IHO1: variants seen among roughly 807,000 people sequenced by gnomAD.
IHO1 encodes the protein interactor of HORMAD1 1, also known as interactor of HORMAD1 protein 1.
In IHO1, 13 loss-of-function variants were observed where a neutral mutation model predicts 31.0. The observed-to-expected ratio is 0.42, with a 90% CI of 0.27 to 0.67. The LOEUF (loss-of-function observed/expected upper bound fraction) is 0.67, where lower values mean the gene tolerates loss of function less well. IHO1 is among the 30% of genes least tolerant of loss of function. IHO1 has a pLI of 0.24. For missense variants in IHO1, 599 were observed against 687.5 expected (o/e 0.87, Z 1.44); for synonymous variants, 221 against 248.4 (o/e 0.89, Z 1.04).
At chr3:49,201,184 G>A (rs1338307021) in intron 1 of IHO1, among the ~76,000 whole-genome samples, 2 of 151,888 alleles carry the variant, frequency 1.3e-5, no homozygotes, top group Non-Finnish European at 2.9e-5. Flanking sequence ...TAGTAGAAAC[G>A]GGGTTTCACC....
chr3:49,238,280 AGTTTTGTTTTGTTTT>A (rs370628737), intron 3 of IHO1, among the ~76,000 whole-genome samples: 7 of 151,968 alleles, frequency 4.6e-5, no homozygotes, highest in Admixed American at 2.6e-4. Context: ...AACTAAATGT[AGTTTTGTTTTGTTTT>A]GTTTTGTTTT....
intron 3 of IHO1, among the ~76,000 whole-genome samples, chr3:49,237,948 C>T (rs1480053689): frequency 1.6e-5 from 2 of 124,478 alleles, no homozygotes; most frequent in Non-Finnish European, 3.2e-5. Context: ...TCACCTGGGC[C>T]GAGGTCCAGT....
At chr3:49,203,038 A>AT (rs1270453476) in intron 1 of IHO1, among the ~76,000 whole-genome samples, 11 of 149,716 alleles carry the variant, frequency 7.3e-5, no homozygotes, top group Admixed American at 2.0e-4. Context: ...AATTTTTTGT[A>AT]TTTTTTTTAG....
chr3:49,202,816 C>G (rs1414407869), intron 1 of IHO1, among the ~76,000 whole-genome samples: 5 of 151,384 alleles, frequency 3.3e-5, no homozygotes, highest in Non-Finnish European at 7.4e-5. Flanking sequence ...GCTGGAACTA[C>G]AGGTGTGGAC....
intron 2 of IHO1, among the ~76,000 whole-genome samples, chr3:49,232,805 A>G (rs2046499247): frequency 6.6e-6 from 1 of 152,238 alleles, no homozygotes; most frequent in Admixed American, 6.5e-5. Flanking sequence ...CACCATTGCC[A>G]TGAGTATTCC....
chr3:49,195,586 C>T (rs1275276002), upstream of IHO1, among the ~76,000 whole-genome samples: 4 of 151,088 alleles, frequency 2.6e-5, no homozygotes, highest in Admixed American at 1.3e-4. Context: ...TGGTGGCAGT[C>T]GCCTGTAGTC....
Position 49,257,961 on chromosome 3 carries a change from C to CTAAT in IHO1, c.*680_*683dup, listed in dbSNP as rs1002730225. On this transcript the variant is annotated 3_prime_UTR_variant, in exon 8 of 8. Transcript: ENST00000452691. ...CTGTTTTTCAAGCACTTTCTTAAAA[C>CTAAT]TAATAATATTGTAGACCTTGTATTT... The CTAAT allele has an allele frequency of 1.3e-5, 2 of 152,090 alleles. No homozygotes were observed. The highest frequency in any genetic ancestry group is 2.4e-5 in the African/African-American group (1 of 41,400). 9.4% of individuals were successfully genotyped at this position (152,090 alleles called of 1,614,324 possible).
At chr3:49,236,524 A>G in intron 2 of IHO1, 24 bp from the exon 3 acceptor site, 1 of 1,535,282 alleles carries the variant, frequency 6.5e-7, no homozygotes, top group South Asian at 1.1e-5. Flanking sequence ...TCTATTTGAT[A>G]CACTTTTTTT....
chr3:49,196,725 C>G (rs1426897809), upstream of IHO1, among the ~76,000 whole-genome samples: 9 of 150,898 alleles, frequency 6.0e-5, no homozygotes, highest in African/African-American at 2.2e-4. Context: ...GGCTGGAGTG[C>G]AGTGGTGCGA....
chr3:49,238,890 T>C (rs1405864893), intron 3 of IHO1, among the ~76,000 whole-genome samples: 3 of 152,212 alleles, frequency 2.0e-5, no homozygotes, highest in Non-Finnish European at 4.4e-5. Flanking sequence ...GAGGGGACTC[T>C]GGAGCACATT....
At position 49,256,566 on chromosome 3, in the gene IHO1, T is replaced by A. The variant is rs377113897; in HGVS notation, c.1069T>A (p.Cys357Ser). 25 of 1,614,156 alleles carry A rather than the reference T, an allele frequency of 1.5e-5. No homozygotes were observed. In the East Asian group the frequency reaches 3.3e-4, roughly 22 times the overall value. The change falls in exon 8 of 8, where the codon TGC becomes AGC. Residue 357 changes from cysteine to serine, a missense_variant. Cys to Ser is a moderately radical substitution (Grantham distance 112, BLOSUM62 -1). Coordinates refer to ENST00000452691, the MANE Select transcript of IHO1 (RefSeq NM_001135197.2). This position sits in a 1 kb window ranked among gnomAD's most constrained non-coding sequence, Gnocchi z 4.6. ...HVKDKVVQTN[C>S]KNWAVTKTGA... ...AAAGGACAAGGTGGTGCAGACTAAC[T>A]GCAAGAACTGGGCTGTTACTAAAAC...
At chr3:49,229,307 A>G (rs2046455152) in intron 2 of IHO1, among the ~76,000 whole-genome samples, 2 of 152,222 alleles carry the variant, frequency 1.3e-5, no homozygotes, top group Admixed American at 1.3e-4. Flanking sequence ...AAACCCCGCA[A>G]AAGTTCCAAC....
chr3:49,227,131 C>G lies in IHO1; in HGVS notation c.57-9417C>G, dbSNP rs369071271. On this transcript the variant is annotated intron_variant, in intron 2 of 7. Transcript: ENST00000452691. ...GTATTCTCCTTCAATGAAAAGAAAG[C>G]TTGGACATAAGATATTTCACTCCAT... Among the ~76,000 whole-genome samples the G allele has an allele frequency of 4.6e-5, 7 of 152,248 alleles. No individual in the cohort carries two copies. The East Asian group carries it at 1.2e-3, about 25-fold the overall frequency.
intron 1 of IHO1, among the ~76,000 whole-genome samples, chr3:49,210,580 G>A (rs2107685481): frequency 6.6e-6 from 1 of 151,620 alleles, no homozygotes; most frequent in South Asian, 2.1e-4. Context: ...TGTATTTTTA[G>A]TAGAGACAGG....
chr3:49,212,246 C>A (rs941933192), intron 2 of IHO1, among the ~76,000 whole-genome samples: 1 of 151,534 alleles, frequency 6.6e-6, no homozygotes, highest in Non-Finnish European at 1.5e-5. Context: ...GTAGCTCACG[C>A]CTATAATCCC....
chr3:49,218,271 C>G (rs891611783), intron 2 of IHO1, among the ~76,000 whole-genome samples: 6 of 152,002 alleles, frequency 3.9e-5, no homozygotes, highest in East Asian at 1.9e-4. Flanking sequence ...CTCTCTCTCT[C>G]TCTTTCTCTG....
At chr3:49,223,431 C>T (rs1336265263) in intron 2 of IHO1, among the ~76,000 whole-genome samples, 1 of 152,114 alleles carries the variant, frequency 6.6e-6, no homozygotes, top group Non-Finnish European at 1.5e-5. Flanking sequence ...GTGGCTTATG[C>T]CTGTAATCCC....
Position 49,257,273 on chromosome 3 carries a change from T to C in IHO1, c.1776T>C (p.Asp592=). Residue 592 remains aspartate (D), a synonymous_variant, in exon 8 of 8, where the codon GAT becomes GAC. Transcript: ENST00000452691. The stretch of plus-strand genomic sequence containing the variant: ...TGGGTTTTGATAGCAGTGATGATGA[T>C]GGCTTCTGACCAGTCCACAGTTGAT... The part of the protein sequence containing the change: ...YDLGFDSSDD[D]GF 6.2e-7 allele frequency: 1 copy of C among 1,613,746 alleles called. No individual in the cohort carries two copies. Among genetic ancestry groups the C allele is most frequent in the Non-Finnish European group, 8.5e-7 (1 of 1,179,762 alleles).
At chr3:49,202,489 C>T (rs1359702649) in intron 1 of IHO1, among the ~76,000 whole-genome samples, 12 of 141,178 alleles carry the variant, frequency 8.5e-5, no homozygotes, top group African/African-American at 1.4e-4. Context: ...CCATGCCCGG[C>T]TAATTTTGTG....
Sources: allele counts gnomAD v4.1 joint callset (sites outside exome capture counted in the v4.1 genomes callset), GRCh38; gene constraint gnomAD v4.1.1; non-coding constraint Gnocchi (gnomAD v3.1); transcripts MANE v1.5; gene names NCBI Gene and HGNC (gene_info 2026-07-23, HGNC 2026-07-21).